Variants in CDYL2 observed in about 807,000 individuals in gnomAD.
The protein encoded by CDYL2 is chromodomain Y like 2.
CDYL2 carries 23 observed loss-of-function variants against 49.4 expected under a neutral mutation model. The ratio of observed to expected loss-of-function variants is 0.47; its 90% confidence interval spans 0.34 to 0.66. CDYL2 has a LOEUF of 0.66. CDYL2 is among the 30% of genes least tolerant of loss of function. The pLI is 0.01. For synonymous variants in CDYL2, 360 were observed against 268.8 expected (o/e 1.34, Z -3.32); for missense variants, 678 against 656.4 (o/e 1.03, Z -0.36).
chr16:80,671,502 C>T (rs896629), intron 2 of CDYL2, among the ~76,000 whole-genome samples: 90,785 of 152,060 alleles, frequency 0.6, 27,690 homozygotes, highest in Middle Eastern at 0.76. Flanking sequence ...GCCCCTGCCC[C>T]AAACGCATCT....
intron 1 of CDYL2, among the ~76,000 whole-genome samples, chr16:80,697,051 G>A (rs1904279308): frequency 1.3e-5 from 2 of 152,030 alleles, no homozygotes; most frequent in South Asian, 4.1e-4. Flanking sequence ...TGAAGGGGAG[G>A]GAATTATTCC....
intron 2 of CDYL2, among the ~76,000 whole-genome samples, chr16:80,633,953 A>C (rs981800957): frequency 6.6e-6 from 1 of 152,230 alleles, no homozygotes; most frequent in Admixed American, 6.5e-5. Flanking sequence ...CACACAGGAT[A>C]CATCAGGAGC....
intron 1 of CDYL2, among the ~76,000 whole-genome samples, chr16:80,702,526 G>T (rs139346929): frequency 2.6e-5 from 4 of 152,260 alleles, no homozygotes; most frequent in African/African-American, 7.2e-5. Context: ...AAAGCAGGAG[G>T]ATTGTTTGAG....
At chr16:80,698,603 T>A (rs1346806266) in intron 1 of CDYL2, among the ~76,000 whole-genome samples, 2 of 152,216 alleles carry the variant, frequency 1.3e-5, no homozygotes, top group East Asian at 3.9e-4. Context: ...GGGGGCACAG[T>A]TCTCATGAAT....
chr16:80,736,401 TTACTAATTTTTAATTTAC>T (rs1905532341), intron 1 of CDYL2: 2 of 152,188 alleles, frequency 1.3e-5, no homozygotes, highest in Non-Finnish European at 2.9e-5. Flanking sequence ...TATTTTCAAG[TTACTAATTTTTAATTTAC>T]GAAGCCCTTA....
At chr16:80,697,489 G>A (rs1010693529) in intron 1 of CDYL2, among the ~76,000 whole-genome samples, 8 of 152,108 alleles carry the variant, frequency 5.3e-5, no homozygotes, top group African/African-American at 1.9e-4. Context: ...AAAGTTGGAA[G>A]CTTTTCCTCT....
At chr16:80,735,756 G>A (rs1013192032) in intron 1 of CDYL2, among the ~76,000 whole-genome samples, 5 of 152,188 alleles carry the variant, frequency 3.3e-5, no homozygotes, top group African/African-American at 1.2e-4. Context: ...TGAAGCCATG[G>A]CACTGCTTTC....
At chr16:80,728,141 C>T (rs1401863893) in intron 1 of CDYL2, among the ~76,000 whole-genome samples, 2 of 152,004 alleles carry the variant, frequency 1.3e-5, no homozygotes, top group African/African-American at 2.4e-5. Flanking sequence ...TTCAGACGAT[C>T]AAACTACAAG....
rs1171644714 is a variant in CDYL2, at chr16:80,707,142, C to CT, written c.25-22014dup. On this transcript the variant is annotated intron_variant, in intron 1 of 6. Coordinates refer to ENST00000570137, the MANE Select transcript of CDYL2 (RefSeq NM_152342.4). ...GTTCTACCTGGTATTGCATTTCATG[C>CT]TAAAAAAAGAAAATTTTTAGACAAT... Among the ~76,000 whole-genome samples, 6 of 152,054 alleles carry CT rather than the reference C, an allele frequency of 3.9e-5. No homozygotes were observed. In the East Asian group the frequency reaches 1.2e-3, roughly 29 times the overall value.
intron 1 of CDYL2, among the ~76,000 whole-genome samples, chr16:80,741,893 G>GA (rs1905749742): frequency 6.6e-6 from 1 of 152,180 alleles, no homozygotes; most frequent in Non-Finnish European, 1.5e-5. Flanking sequence ...AAAAACCTTT[G>GA]AAAGAGTTAC....
At chr16:80,750,043 C>G (rs948894513) in intron 1 of CDYL2, among the ~76,000 whole-genome samples, 1 of 149,484 alleles carries the variant, frequency 6.7e-6, no homozygotes, top group Non-Finnish European at 1.5e-5. Flanking sequence ...AAAGAGAACA[C>G]TTGGACAGAG....
intron 1 of CDYL2, among the ~76,000 whole-genome samples, chr16:80,750,506 A>G (rs1178471798): frequency 2.6e-5 from 4 of 152,108 alleles, no homozygotes; most frequent in African/African-American, 9.6e-5. Flanking sequence ...ATAAACACAA[A>G]GAGATCTTAA....
intron 2 of CDYL2, among the ~76,000 whole-genome samples, chr16:80,673,143 C>T (rs574031987): frequency 4.6e-5 from 7 of 152,060 alleles, no homozygotes; most frequent in African/African-American, 1.7e-4. Flanking sequence ...CATGGTGAAA[C>T]CCCATTTCTA....
At chr16:80,649,114 A>T (rs2142416530) in intron 2 of CDYL2, among the ~76,000 whole-genome samples, 1 of 152,314 alleles carries the variant, frequency 6.6e-6, no homozygotes, top group Middle Eastern at 3.4e-3. Context: ...ACCATTATTC[A>T]ACATAGTACT....
rs980245067 is a variant in CDYL2 at position 80,640,987 on chromosome 16, T to G, written c.617-7751A>C. On this transcript the variant is annotated intron_variant, in intron 2 of 6. Coordinates refer to ENST00000570137, the MANE Select transcript of CDYL2 (RefSeq NM_152342.4). ...AGCCTCAAAAGGGCAAATCTAAGAG[T>G]TACTGGCCTTAAAGAGGAGGTAGGG... 2.0e-5 allele frequency among the ~76,000 whole-genome samples: 3 copies of G among 152,028 alleles called. No individual in the cohort carries two copies. In the East Asian group the frequency reaches 5.8e-4, roughly 29 times the overall value.
chr16:80,768,465 G>C (rs555122248), intron 1 of CDYL2, among the ~76,000 whole-genome samples: 4 of 152,332 alleles, frequency 2.6e-5, no homozygotes, highest in African/African-American at 9.6e-5. Flanking sequence ...CACAGTTCTA[G>C]AGGCTGGGAA....
intron 1 of CDYL2, among the ~76,000 whole-genome samples, chr16:80,770,381 C>A (rs149142994): frequency 6.1e-4 from 93 of 152,254 alleles, no homozygotes; most frequent in African/African-American, 2.1e-3. Flanking sequence ...ATCATGTTAG[C>A]ATCAGACTTC....
In CDYL2 at chr16:80,719,367, G is replaced by A. The variant is rs78630772; in HGVS notation, c.25-34238C>T. On this transcript the variant is annotated intron_variant, in intron 1 of 6. Transcript: ENST00000570137. ...CATTTGTAAATGGGACTAGGAACAC[G>A]AATGACCCACAAGTTGCTGTATTAA... 1.4e-4 allele frequency among the ~76,000 whole-genome samples: 22 copies of A among 152,268 alleles called. No homozygotes were observed. The East Asian group carries it at 4.3e-3, about 29-fold the overall frequency.
intron 1 of CDYL2, among the ~76,000 whole-genome samples, chr16:80,769,073 G>A (rs1906821411): frequency 6.6e-6 from 1 of 152,114 alleles, no homozygotes; most frequent in Non-Finnish European, 1.5e-5. Flanking sequence ...TCATCAAGCA[G>A]GCCCCAAATA....
Sources: allele counts gnomAD v4.1 joint callset (sites outside exome capture counted in the v4.1 genomes callset), GRCh38; gene constraint gnomAD v4.1.1; transcripts MANE v1.5; gene names NCBI Gene and HGNC (gene_info 2026-07-23, HGNC 2026-07-21).